RDM1: variants seen among roughly 807,000 people sequenced by gnomAD.
RDM1 encodes RAD52 motif containing 1, also known as RAD52 motif-containing protein 1.
Under a neutral mutation model 27.7 loss-of-function variants are expected in RDM1, and 28 were observed. The ratio of observed to expected loss-of-function variants is 1.01; its 90% CI spans 0.75 to 1.39. RDM1 has a LOEUF of 1.39. RDM1 is among the 40% of genes most tolerant of loss of function. The pLI is 0.00. For synonymous variants in RDM1, 124 were observed against 127.5 expected, an observed-to-expected ratio of 0.97 and a Z score of 0.19; for missense variants, 277 against 337.3, an observed-to-expected ratio of 0.82 and a Z score of 1.40.
At chr17:35,930,478 G>A (rs909303950) in intron 1 of RDM1, 154 bp downstream of exon 1, 5 of 889,052 alleles carry the variant, frequency 5.6e-6, no homozygotes, top group Non-Finnish European at 8.4e-6. Context: ...AAAATCTGTT[G>A]GGGGTCGTCA....
At chr17:35,929,624 T>A (rs2089258486) in intron 2 of RDM1, among the ~76,000 whole-genome samples, 1 of 152,154 alleles carries the variant, frequency 6.6e-6, no homozygotes, top group Non-Finnish European at 1.5e-5. Context: ...GTATTTATAG[T>A]ACAGATGGAG....
chr17:35,927,153 C>T (rs113816448), intron 2 of RDM1, among the ~76,000 whole-genome samples: 8,617 of 150,886 alleles, frequency 0.057, 340 homozygotes, highest in South Asian at 0.17. Context: ...ACCAAAAAAC[C>T]CTCTTGGCCG....
At chr17:35,928,395 T>C (rs985831076) in intron 2 of RDM1, among the ~76,000 whole-genome samples, 1 of 152,196 alleles carries the variant, frequency 6.6e-6, no homozygotes, top group Admixed American at 6.5e-5. Flanking sequence ...GATGTGATGA[T>C]GATGATACAG....
At chr17:35,930,309 C>T (rs9907295) in intron 1 of RDM1, 54 bp from the exon 2 acceptor site, 164,954 of 1,609,416 alleles carry the variant, frequency 0.1, 9,511 homozygotes, top group East Asian at 0.2. Flanking sequence ...AAAACAAAAC[C>T]GCACATGCCC....
chr17:35,926,562 C>T (rs1444715021), intron 2 of RDM1, among the ~76,000 whole-genome samples: 2 of 152,110 alleles, frequency 1.3e-5, no homozygotes, highest in African/African-American at 4.8e-5. Flanking sequence ...TGCCACCACG[C>T]CCGGCTAATT....
At chr17:35,919,921 T>C (rs2088878358) in intron 6 of RDM1, among the ~76,000 whole-genome samples, 1 of 152,114 alleles carries the variant, frequency 6.6e-6, no homozygotes, top group Non-Finnish European at 1.5e-5. Context: ...AATCCCTAAC[T>C]CCTGGGGGAA....
At chr17:35,926,651 G>A (rs577449374) in intron 2 of RDM1, among the ~76,000 whole-genome samples, 7 of 152,160 alleles carry the variant, frequency 4.6e-5, no homozygotes, top group South Asian at 2.1e-4. Flanking sequence ...TGATCTGCCC[G>A]CCTCGGCCTC....
At position 35,930,135 on chromosome 17, in the gene RDM1, C is replaced by A; in HGVS notation, c.217G>T (p.Ala73Ser). 6.2e-7 allele frequency: 1 copy of A among 1,614,180 alleles called. No individual in the cohort carries two copies. Among genetic ancestry groups the A allele is most frequent in the Non-Finnish European group, 8.5e-7 (1 of 1,180,034 alleles). Residue 73 changes from alanine (A) to serine (S), a missense_variant, in exon 2 of 7, where the codon GCC (alanine) becomes TCC (serine). Transcript: ENST00000620284. ...AVIKFYSARA[A>S]HRAQKACDRK... ...TCGCATGCCTTTTGGGCTCTGTGGG[C>A]AGCCCTTGCAGAATAAAACTTAATG...
chr17:35,930,079 G>A lies in RDM1; in HGVS notation c.273C>T (p.Val91=), dbSNP rs763684256. Residue 91 remains valine, a synonymous_variant, in exon 2 of 7, where the codon GTC becomes GTT. Transcript: ENST00000620284. Reference sequence around the variant, plus strand: ...GGAATTCCATATTTGGACCCACCTTGACTGGAGATTTCTGAAAAAGCTGCT... The same window carrying A: ...GGAATTCCATATTTGGACCCACCTTAACTGGAGATTTCTGAAAAAGCTGCT... ...DRKQLFQKSP[V]KVRLGTRHKA... 1 of 1,613,066 alleles carries A rather than the reference G, an allele frequency of 6.2e-7. No individual in the cohort carries two copies. Among genetic ancestry groups the A allele is most frequent in the East Asian group, 2.2e-5 (1 of 44,868 alleles).
intron 2 of RDM1, among the ~76,000 whole-genome samples, chr17:35,927,590 G>T (rs189181135): frequency 2.6e-5 from 4 of 152,132 alleles, no homozygotes; most frequent in Admixed American, 2.0e-4. Context: ...CAGGAACTAA[G>T]TGTACGTGCT....
chr17:35,929,769 T>TG (rs2089264044), intron 2 of RDM1, among the ~76,000 whole-genome samples: 1 of 152,108 alleles, frequency 6.6e-6, no homozygotes, highest in Admixed American at 6.5e-5. Context: ...TTTATAGAGA[T>TG]GGGGTCTCAT....
chr17:35,922,807 A>G, intron 4 of RDM1, 132 bp from the exon 5 acceptor site: 1 of 660,136 alleles, frequency 1.5e-6, no homozygotes, highest in Non-Finnish European at 2.5e-6. Flanking sequence ...GCACAAGCGT[A>G]TGGTTGAATG....
At chr17:35,928,745 A>G (rs1438645046) in intron 2 of RDM1, among the ~76,000 whole-genome samples, 3 of 150,068 alleles carry the variant, frequency 2.0e-5, no homozygotes, top group East Asian at 2.0e-4. Flanking sequence ...CTGGGCAACA[A>G]GAGCGAAACT....
intron 2 of RDM1, among the ~76,000 whole-genome samples, chr17:35,927,879 A>C (rs2089203122): frequency 6.6e-6 from 1 of 152,218 alleles, no homozygotes; most frequent in Non-Finnish European, 1.5e-5. Context: ...TTGTACCTTT[A>C]TAATATTTGA....
chr17:35,918,574 T>C, intron 6 of RDM1, 131 bp from the exon 7 acceptor site: 1 of 743,280 alleles, frequency 1.3e-6, no homozygotes, highest in African/African-American at 1.7e-5. Flanking sequence ...CTCTATTAGG[T>C]AGGGGCTGCC....
At chr17:35,921,363 AG>A (rs1302885473) in intron 5 of RDM1, among the ~76,000 whole-genome samples, 2 of 152,198 alleles carry the variant, frequency 1.3e-5, no homozygotes, top group African/African-American at 4.8e-5. Flanking sequence ...AAGCAAATAA[AG>A]GTCTGTGGTA....
intron 1 of RDM1, 154 bp from the exon 2 acceptor site, chr17:35,930,409 T>G: frequency 3.7e-6 from 4 of 1,082,082 alleles, no homozygotes; most frequent in Non-Finnish European, 5.3e-6. Flanking sequence ...TCCTAAACTT[T>G]AAGAAGCACT....
At chr17:35,927,044 C>CTT (rs1008913479) in intron 2 of RDM1, among the ~76,000 whole-genome samples, 34 of 146,850 alleles carry the variant, frequency 2.3e-4, no homozygotes, top group African/African-American at 8.4e-4. Flanking sequence ...CAGAAAAACT[C>CTT]TGAGCCTCTG....
At position 35,925,629 on chromosome 17, in the gene RDM1, A is replaced by G. The variant is rs777097584; in HGVS notation, c.285T>C (p.Leu95=). 7 of 1,612,494 alleles carry G rather than the reference A, an allele frequency of 4.3e-6. No homozygotes were observed. The highest frequency in any genetic ancestry group is 3.3e-5 in the South Asian group (3 of 90,876). The change falls in exon 3 of 7, where the codon CTT becomes CTC. Residue 95 remains leucine, a synonymous_variant. Transcript: ENST00000620284. ...GTTGAACTGCCTTATGTCTGGTGCC[A>G]AGACGAACCTAAAATCATAGGAGAT... The part of the protein sequence containing the change: ...LFQKSPVKVR[L]GTRHKAVQHQ...
Sources: allele counts gnomAD v4.1 joint callset (sites outside exome capture counted in the v4.1 genomes callset), GRCh38; gene constraint gnomAD v4.1.1; transcripts MANE v1.5; gene names NCBI Gene and HGNC (gene_info 2026-07-23, HGNC 2026-07-21).